The following PALM3 variants were observed in gnomAD, a reference collection of about 807,000 sequenced individuals.
PALM3 encodes the protein paralemmin-3.
Under a neutral mutation model 27.9 loss-of-function variants are expected in PALM3, and 20 were observed. The observed-to-expected ratio is 0.72, with a 90% CI of 0.50 to 1.04. The LOEUF (loss-of-function observed/expected upper bound fraction) is 1.04. Among genes scored for constraint, PALM3 ranks in the 50% least tolerant of loss-of-function variants. The probability of loss-of-function intolerance (pLI) is 0.00; values close to 1 mark genes in which losing one functional copy is unlikely to be tolerated. For missense variants in PALM3, 814 were observed against 869.4 expected (o/e 0.94, Z 0.80); for synonymous variants, 328 against 352.7 (o/e 0.93, Z 0.79).
Position 14,054,099 on chromosome 19 carries a change from C to G in PALM3, c.1573G>C (p.Gly525Arg), listed in dbSNP as rs868814313. ...TCTGCCTCCAGTGTCTCCTCCCCTC[C>G]CTTTCTCTCTGCCTCCAGTGGTTCT... Reference protein sequence around the residue: ...TKEPLEAERKGGEETLEAEKR... With the variant: ...TKEPLEAERKRGEETLEAEKR... Residue 525 changes from glycine (G) to arginine (R), a missense_variant, in exon 7 of 7, where the codon GGA (glycine) becomes CGA (arginine). By Grantham distance (125) the Gly-to-Arg change is moderately radical (BLOSUM62 -2). Transcript: ENST00000669674. 6.4e-7 allele frequency: 1 copy of G among 1,551,670 alleles called. No individual in the cohort carries two copies.
At position 14,055,211 on chromosome 19, in the gene PALM3, T is replaced by G. The variant is rs955407278; in HGVS notation, c.461A>C (p.Asn154Thr). ...TCCAGCCGGCAGGGAGGCTCTCTTGTTCAGATCAGTCTGGCCTGGGGGAGT... is the reference window on the plus strand; with the variant it reads ...TCCAGCCGGCAGGGAGGCTCTCTTGGTCAGATCAGTCTGGCCTGGGGGAGT... ...EAGSVGQTDLNKRASLPAGLV... is the reference protein window; with the variant it reads ...EAGSVGQTDLTKRASLPAGLV... The change falls in exon 7 of 7, where the codon AAC becomes ACC. Residue 154 changes from asparagine to threonine, a missense_variant. By Grantham distance (65) the Asn-to-Thr change is moderately conservative. Transcript: ENST00000669674. 1 of 1,515,264 alleles carries G rather than the reference T, an allele frequency of 6.6e-7. No homozygotes were observed. Among genetic ancestry groups the G allele is most frequent in the African/African-American group, 1.7e-5 (1 of 58,802 alleles). The allele number at this position is 1,515,264 out of a possible 1,614,324, so 93.9% of individuals were successfully genotyped here.
rs1017176299 is a variant in PALM3 at position 14,054,964 on chromosome 19, C to T, written c.708G>A (p.Val236=). 2 of 1,549,474 alleles carry T rather than the reference C, an allele frequency of 1.3e-6. No homozygotes were observed. Among genetic ancestry groups the T allele is most frequent in the Non-Finnish European group, 1.7e-6 (2 of 1,146,428 alleles). ...EAKGGGVVSV[V]WEGLRATEDC... is the part of the protein sequence containing the mutation. ...CCTCTGTGGCCCTCAGCCCTTCCCACACCACACTCACCACGCCCCCTCCTT... is the reference window on the plus strand; with the variant it reads ...CCTCTGTGGCCCTCAGCCCTTCCCATACCACACTCACCACGCCCCCTCCTT... Residue 236 remains valine (V), a synonymous_variant, in exon 7 of 7, where the codon GTG becomes GTA. Coordinates refer to ENST00000669674, the MANE Select transcript of PALM3 (RefSeq NM_001145028.2).
Position 14,054,286 on chromosome 19 carries a change from CCT to C in PALM3, c.1384_1385del (p.Arg462GlyfsTer4), listed in dbSNP as rs772191731. ...RGSAEKLGTE[R>X]EGGEEPLGIE... is the part of the protein sequence containing the mutation. ...TGCCCAGTGGTTCCTCACCTCCTTC[CCT>C]CTCTGTTCCCAGCTTTTCTGCACTT... On this transcript the variant is annotated frameshift_variant, in exon 7 of 7. Coordinates refer to ENST00000669674, the MANE Select transcript of PALM3 (RefSeq NM_001145028.2). LOFTEE classifies it low-confidence loss of function (END_TRUNC). 6.4e-7 allele frequency: 1 copy of C among 1,552,282 alleles called. No individual in the cohort carries two copies. The highest frequency in any genetic ancestry group is 1.2e-5 in the South Asian group (1 of 84,060).
intron 3 of PALM3, chr19:14,057,021 C>A (rs796871018): frequency 6.9e-5 from 42 of 604,490 alleles, no homozygotes; most frequent in African/African-American, 6.5e-4. Context: ...ACGGGCACTT[C>A]CAAAGTGAAA....
chr19:14,062,075 G>T lies in PALM3; in HGVS notation c.-95C>A, dbSNP rs1976423320. On this transcript the variant is annotated 5_prime_UTR_variant, in exon 1 of 7. Transcript: ENST00000669674. ...GGAGGCTGTGACTTGGCTGCCTGGAGTGGGGGGGGGCTGCGGGCGGGCACC... is the reference window on the plus strand; with the variant it reads ...GGAGGCTGTGACTTGGCTGCCTGGATTGGGGGGGGGCTGCGGGCGGGCACC... 2 of 830,056 alleles carry T rather than the reference G, an allele frequency of 2.4e-6. No individual in the cohort carries two copies. Among genetic ancestry groups the T allele is most frequent in the Non-Finnish European group, 2.9e-6 (2 of 687,716 alleles). The allele number at this position is 830,056 out of a possible 1,614,324, so 51.4% of individuals were successfully genotyped here. A position where few individuals can be genotyped will look rare whatever the true frequency, so the allele number is the denominator to read the frequency against.
chr19:14,055,005 G>C lies in PALM3; in HGVS notation c.667C>G (p.Arg223Gly), dbSNP rs369965891. The stretch of plus-strand genomic sequence containing the variant: ...CCCCCTCCTTTGGCCTCACCCACCC[G>C]CCCTTCGGATGGCACTGCCCTCTGA... ...LSQRAVPSEG[R>G]VGEAKGGGVV... Residue 223 changes from arginine to glycine, a missense_variant, in exon 7 of 7, where the codon CGG becomes GGG. Coordinates refer to ENST00000669674, the MANE Select transcript of PALM3 (RefSeq NM_001145028.2). 1.3e-6 allele frequency: 2 copies of C among 1,548,024 alleles called. No individual in the cohort carries two copies. Among genetic ancestry groups the C allele is most frequent in the African/African-American group, 1.4e-5 (1 of 73,024 alleles).
Position 14,057,366 on chromosome 19 carries a change from G to A in PALM3, c.156C>T (p.Arg52=). The change falls in exon 3 of 7, where the codon CGC becomes CGT. Residue 52 remains arginine, a synonymous_variant. Transcript: ENST00000669674. The stretch of plus-strand genomic sequence containing the variant: ...CGCCCCCAACCTTGAGACGCTCCAC[G>A]CGGAGTTTCTCCTCCTCCACCTCCC... The part of the protein sequence containing the change: ...ARREVEEEKL[R]VERLKRKSLR... The A allele has an allele frequency of 6.5e-7, 1 of 1,543,312 alleles. No homozygotes were observed. Among genetic ancestry groups the A allele is most frequent in the Non-Finnish European group, 8.7e-7 (1 of 1,144,322 alleles).
intron 2 of PALM3, 68 bp downstream of exon 2, chr19:14,059,046 CG>C: frequency 1.4e-6 from 2 of 1,387,134 alleles, no homozygotes; most frequent in South Asian, 3.0e-5. Context: ...GCAGAGATGA[CG>C]GAGAGACGAG....
rs1273302880 is a variant in PALM3 at position 14,054,027 on chromosome 19, T to A, written c.1645A>T (p.Thr549Ser). 1.3e-6 allele frequency: 2 copies of A among 1,551,610 alleles called. No homozygotes were observed. Among genetic ancestry groups the A allele is most frequent in the Admixed American group, 3.9e-5 (2 of 50,968 alleles). Reference sequence around the variant, plus strand: ...TGTTCTAGATTCAGATCTCCCTCCGTCCCTTGGGTCTTCTCTGTCTCCAAT... The same window carrying A: ...TGTTCTAGATTCAGATCTCCCTCCGACCCTTGGGTCTTCTCTGTCTCCAAT... ...ESLETEKTQG[T>S]EGDLNLEQGS... The change falls in exon 7 of 7, where the codon ACG becomes TCG. Residue 549 changes from threonine (T) to serine (S), a missense_variant. Coordinates refer to ENST00000669674, the MANE Select transcript of PALM3 (RefSeq NM_001145028.2).
chr19:14,057,214 A>T (rs1976322387), intron 3 of PALM3, 137 bp downstream of exon 3: 1 of 614,494 alleles, frequency 1.6e-6, no homozygotes. Context: ...GCCCCGGCCA[A>T]GCTGGAACCA....
intron 1 of PALM3, among the ~76,000 whole-genome samples, chr19:14,061,378 C>G (rs1976411773): frequency 6.6e-6 from 1 of 152,206 alleles, no homozygotes; most frequent in Admixed American, 6.5e-5. Flanking sequence ...AACTCTCACC[C>G]CTCAGCTATG....
At position 14,053,577 on chromosome 19, in the gene PALM3, G is replaced by A. The variant is rs889011745; in HGVS notation, c.*28C>T. On this transcript the variant is annotated 3_prime_UTR_variant, in exon 7 of 7. Transcript: ENST00000669674. ...AGAGGCCGAGGTAGCTGTGAGAGGAGCTGGACATGGGGTGGAGGGGCATGG... is the reference window on the plus strand; with the variant it reads ...AGAGGCCGAGGTAGCTGTGAGAGGAACTGGACATGGGGTGGAGGGGCATGG... 5.5e-6 allele frequency: 8 copies of A among 1,442,458 alleles called. No individual in the cohort carries two copies. In the African/African-American group the frequency reaches 1.2e-4, roughly 21 times the overall value. The allele number at this position is 1,442,458 out of a possible 1,614,324, so 89.4% of individuals were successfully genotyped here.
At position 14,055,196 on chromosome 19, in the gene PALM3, A is replaced by T; in HGVS notation, c.476T>A (p.Leu159Gln). 4 of 1,537,632 alleles carry T rather than the reference A, an allele frequency of 2.6e-6. No homozygotes were observed. The highest frequency in any genetic ancestry group is 3.5e-6 in the Non-Finnish European group (4 of 1,140,890). The part of the protein sequence containing the change: ...GQTDLNKRAS[L>Q]PAGLVGTPPE... ...AGGCGTGCCCACTAGTCCAGCCGGC[A>T]GGGAGGCTCTCTTGTTCAGATCAGT... Residue 159 changes from leucine (L) to glutamine (Q), a missense_variant, in exon 7 of 7, where the codon CTG becomes CAG. Transcript: ENST00000669674.
intron 6 of PALM3, 37 bp from the exon 7 acceptor site, chr19:14,055,263 G>GGAAGACAGGGTTAAGATGGGACAAAAGA: frequency 6.6e-7 from 1 of 1,520,054 alleles, no homozygotes; most frequent in Non-Finnish European, 8.9e-7. Context: ...AGGACAAAAG[G>GGAAGACAGGGTTAAGATGGGACAAAAGA]GAAGACAGGG....
At position 14,055,758 on chromosome 19, in the gene PALM3, A is replaced by AT. The variant is rs1164517113; in HGVS notation, c.400-334dup. ...TTCCAATCAACATAAATACAAATTA[A>AT]TTTTTTTTTTGAGATGGAGTCTTGC... On this transcript the variant is annotated intron_variant, in intron 5 of 6. Transcript: ENST00000669674. Among the ~76,000 whole-genome samples the AT allele has an allele frequency of 8.6e-5, 13 of 150,360 alleles. No homozygotes were observed. The East Asian group carries it at 9.7e-4, about 11-fold the overall frequency.
At position 14,061,723 on chromosome 19, in the gene PALM3, A is replaced by G. The variant is rs541666189; in HGVS notation, c.41+217T>C. Among the ~76,000 whole-genome samples the G allele has an allele frequency of 4.6e-5, 7 of 151,978 alleles. No homozygotes were observed. The East Asian group carries it at 1.4e-3, about 30-fold the overall frequency. On this transcript the variant is annotated intron_variant, in intron 1 of 6. Coordinates refer to ENST00000669674, the MANE Select transcript of PALM3 (RefSeq NM_001145028.2). ...TGGCAGCGGAAAATCCCCGAAGAGG[A>G]AGGGGCAGGGGGAGCCTATATCTCT...
chr19:14,054,034 G>T lies in PALM3; in HGVS notation c.1638C>A (p.Thr546=). ...GGEESLETEK[T]QGTEGDLNLE... ...GATTCAGATCTCCCTCCGTCCCTTG[G>T]GTCTTCTCTGTCTCCAATGATTCCT... Residue 546 remains threonine, a synonymous_variant, in exon 7 of 7, where the codon ACC becomes ACA. Transcript: ENST00000669674. The T allele has an allele frequency of 1.3e-6, 2 of 1,551,498 alleles. No individual in the cohort carries two copies. Among genetic ancestry groups the T allele is most frequent in the Non-Finnish European group, 1.7e-6 (2 of 1,146,938 alleles).
intron 6 of PALM3, 45 bp from the exon 7 acceptor site, chr19:14,055,271 G>A (rs1976284380): frequency 1.3e-6 from 2 of 1,523,432 alleles, no homozygotes; most frequent in Non-Finnish European, 1.8e-6. Context: ...AGGGAAGACA[G>A]GGTTAAGATG....
At position 14,054,148 on chromosome 19, in the gene PALM3, A is replaced by T. The variant is rs1359584351; in HGVS notation, c.1524T>A (p.Gly508=). Residue 508 remains glycine, a synonymous_variant, in exon 7 of 7, where the codon GGT becomes GGA. Coordinates refer to ENST00000669674, the MANE Select transcript of PALM3 (RefSeq NM_001145028.2). ...EEPLGVEKKG[G]EEEPEATKEP... is the part of the protein sequence containing the mutation. Reference sequence around the variant, plus strand: ...CTTTGGTTGCCTCTGGCTCTTCCTCACCTCCTTTCTTCTCTACTCCCAATG... The same window carrying T: ...CTTTGGTTGCCTCTGGCTCTTCCTCTCCTCCTTTCTTCTCTACTCCCAATG... 6 of 1,535,734 alleles carry T rather than the reference A, an allele frequency of 3.9e-6. No individual in the cohort carries two copies. The highest frequency in any genetic ancestry group is 5.3e-6 in the Non-Finnish European group (6 of 1,141,978).
Sources: gnomAD v4.1 joint callset for allele counts (sites outside exome capture counted in the v4.1 genomes callset) on GRCh38, gnomAD v4.1.1 for gene constraint, MANE v1.5 for transcripts, NCBI Gene and HGNC (gene_info 2026-07-23, HGNC 2026-07-21) for gene names.